PHF19: variants seen among roughly 807,000 people sequenced by gnomAD.
The protein encoded by PHF19 is PHD finger protein 19, also known as polycomb like 3.
In PHF19, 21 loss-of-function variants were observed where a neutral mutation model predicts 79.8. The ratio of observed to expected loss-of-function variants is 0.26; its 90% CI spans 0.19 to 0.38. The LOEUF (loss-of-function observed/expected upper bound fraction) is 0.38, where lower values mean the gene tolerates loss of function less well. Among genes scored for constraint, PHF19 ranks in the 10% least tolerant of loss-of-function variants. The pLI is 1.00. For synonymous variants in PHF19, 273 were observed against 296.3 expected (o/e 0.92, Z 0.81); for missense variants, 445 against 744.2 (o/e 0.60, Z 4.68).
Position 120,870,643 on chromosome 9 carries a change from G to T in PHF19, c.269-105C>A. On this transcript the variant is annotated intron_variant, in intron 3 of 14. Coordinates refer to ENST00000373896, the MANE Select transcript of PHF19 (RefSeq NM_015651.3). This position sits in a 1 kb window ranked among gnomAD's most constrained non-coding sequence, Gnocchi z 4.4. ...TAATGTCTGCTAGGCCTAGCGCTGGGCCCCACATGCCACCTCACTGAATCT... is the reference window on the plus strand; with the variant it reads ...TAATGTCTGCTAGGCCTAGCGCTGGTCCCCACATGCCACCTCACTGAATCT... The T allele has an allele frequency of 4.4e-6, 3 of 687,314 alleles. No individual in the cohort carries two copies. The highest frequency in any genetic ancestry group is 7.9e-6 in the Non-Finnish European group (3 of 378,668). The allele number at this position is 687,314 out of a possible 1,614,324, so 42.6% of individuals were successfully genotyped here.
At position 120,857,738 on chromosome 9, in the gene PHF19, G is replaced by T. The variant is rs1016229125; in HGVS notation, c.*206C>A. On this transcript the variant is annotated 3_prime_UTR_variant, in exon 15 of 15. Coordinates refer to ENST00000373896, the MANE Select transcript of PHF19 (RefSeq NM_015651.3). ...GTAGAGACACAGGCACAGGGGTAAC[G>T]AGCCTGAGGAGGCCCTGGAACAGAG... 27 of 514,478 alleles carry T rather than the reference G, an allele frequency of 5.2e-5. No homozygotes were observed. The highest frequency in any genetic ancestry group is 3.5e-4 in the Admixed American group (10 of 28,900). The allele number at this position is 514,478 out of a possible 1,614,324, so 31.9% of individuals were successfully genotyped here.
upstream of PHF19, among the ~76,000 whole-genome samples, chr9:120,881,735 A>G (rs2046188513): frequency 6.6e-6 from 1 of 152,098 alleles, no homozygotes. Flanking sequence ...GTGTCCCCTC[A>G]TGCATGGGAC....
chr9:120,861,011 T>C, intron 13 of PHF19, 78 bp downstream of exon 13: 1 of 863,358 alleles, frequency 1.2e-6, no homozygotes, highest in Non-Finnish European at 2.0e-6. Context: ...GGGATCCTTT[T>C]AACTGAGGGC....
At position 120,869,107 on chromosome 9, in the gene PHF19, C is replaced by G. The variant is rs2045808982; in HGVS notation, c.614+75G>C. On this transcript the variant is annotated intron_variant, in intron 6 of 14. Transcript: ENST00000373896. This position sits in a 1 kb window ranked among gnomAD's most constrained non-coding sequence, Gnocchi z 5.8. The stretch of plus-strand genomic sequence containing the variant: ...CCTTGGCTGACACGCCAGGCTCGCT[C>G]CCTATGGGCGGTCCCTGCTGGCGAT... 6.8e-7 allele frequency: 1 copy of G among 1,472,774 alleles called. No homozygotes were observed. Among genetic ancestry groups the G allele is most frequent in the African/African-American group, 1.4e-5 (1 of 71,734 alleles). 91.2% of individuals were successfully genotyped at this position (1,472,774 alleles called of 1,614,324 possible). A position where few individuals can be genotyped will look rare whatever the true frequency, so the allele number is the denominator to read the frequency against.
chr9:120,873,636 A>C (rs1300464139), intron 3 of PHF19, among the ~76,000 whole-genome samples: 1 of 152,212 alleles, frequency 6.6e-6, no homozygotes, highest in East Asian at 1.9e-4. Flanking sequence ...TCTAGCCCAG[A>C]CTGACGCAGA....
intron 10 of PHF19, among the ~76,000 whole-genome samples, chr9:120,863,385 A>G (rs1382622873): frequency 1.3e-5 from 2 of 152,054 alleles, no homozygotes; most frequent in Non-Finnish European, 2.9e-5. Context: ...CCATGACCTC[A>G]GCACCCAGAC....
At position 120,869,609 on chromosome 9, in the gene PHF19, A is replaced by G. The variant is rs1285182842; in HGVS notation, c.465+236T>C. 5 of 1,499,440 alleles carry G rather than the reference A, an allele frequency of 3.3e-6. No homozygotes were observed. Among genetic ancestry groups the G allele is most frequent in the East Asian group, 5.0e-5 (2 of 40,294 alleles). The allele number at this position is 1,499,440 out of a possible 1,614,324, so 92.9% of individuals were successfully genotyped here. ...GGATTTTCTTTTTTAATAGTAAAGC[A>G]TCATTTATTGGTCCCGTTATTCCCG... On this transcript the variant is annotated intron_variant, in intron 5 of 14. Coordinates refer to ENST00000373896, the MANE Select transcript of PHF19 (RefSeq NM_015651.3). This position sits in a 1 kb window ranked among gnomAD's most constrained non-coding sequence, Gnocchi z 5.8.
chr9:120,877,513 G>A (rs1282521788), upstream of PHF19, among the ~76,000 whole-genome samples: 2 of 151,064 alleles, frequency 1.3e-5, no homozygotes, highest in Non-Finnish European at 2.9e-5. Flanking sequence ...CCGAGGAGCG[G>A]CCACACCGCG....
chr9:120,895,095 A>G (rs912968690), upstream of PHF19, among the ~76,000 whole-genome samples: 5 of 152,162 alleles, frequency 3.3e-5, no homozygotes, highest in Non-Finnish European at 7.4e-5. Context: ...AGAGCTGGTG[A>G]TGTGACTTGC....
chr9:120,867,581 G>A (rs1030860540), intron 6 of PHF19, among the ~76,000 whole-genome samples: 1 of 152,220 alleles, frequency 6.6e-6, no homozygotes, highest in East Asian at 1.9e-4. Context: ...TCAATCTTTG[G>A]GGAAGCCTCT....
At chr9:120,901,845 A>T in the PHF19 span, among the ~76,000 whole-genome samples, 1 of 151,936 alleles carries the variant, frequency 6.6e-6, no homozygotes, top group Non-Finnish European at 1.5e-5. Flanking sequence ...CGTTGGGGGC[A>T]AAAGGTGTGA....
Position 120,857,888 on chromosome 9 carries a change from T to C in PHF19, c.*56A>G, listed in dbSNP as rs766476744. 1.8e-4 allele frequency: 193 copies of C among 1,055,356 alleles called. 1 individual carries two copies. The highest frequency in any genetic ancestry group is 9.3e-4 in the East Asian group (36 of 38,764). 65.4% of individuals were successfully genotyped at this position (1,055,356 alleles called of 1,614,324 possible). A position where few individuals can be genotyped will look rare whatever the true frequency, so the allele number is the denominator to read the frequency against. ...AGCCTGGAGAAAGCTGGGGAGCCTA[T>C]GGCTTCTGCTGCTCCTCCTTTGGTT... is the stretch of plus-strand genomic sequence containing the variant. On this transcript the variant is annotated 3_prime_UTR_variant, in exon 15 of 15. Coordinates refer to ENST00000373896, the MANE Select transcript of PHF19 (RefSeq NM_015651.3).
At chr9:120,881,884 C>A (rs1401074748), upstream of PHF19, among the ~76,000 whole-genome samples, 1 of 152,184 alleles carries the variant, frequency 6.6e-6, no homozygotes, top group African/African-American at 2.4e-5. Flanking sequence ...GCCTCAGCCT[C>A]CTGGGTAGCC....
At chr9:120,859,567 GC>G (rs1420652505) in intron 14 of PHF19, among the ~76,000 whole-genome samples, 2 of 152,176 alleles carry the variant, frequency 1.3e-5, no homozygotes, top group African/African-American at 2.4e-5. Context: ...CTGGAGATAG[GC>G]CCCCAGGGAT....
the PHF19 span, chr9:120,902,534 G>C: frequency 6.6e-6 from 1 of 151,250 alleles, no homozygotes; most frequent in East Asian, 1.9e-4. Flanking sequence ...GGTGGGCACT[G>C]CTGCATCTGA....
At chr9:120,893,449 A>C (rs2046366992) in intron 1 of PHF19, among the ~76,000 whole-genome samples, 1 of 152,138 alleles carries the variant, frequency 6.6e-6, no homozygotes, top group Non-Finnish European at 1.5e-5. Context: ...CAGCATGCTT[A>C]TGTGCTAAAG....
At chr9:120,858,811 T>TCACACACACACACACACA (rs56042039) in intron 14 of PHF19, among the ~76,000 whole-genome samples, 11 of 122,798 alleles carry the variant, frequency 9.0e-5, no homozygotes, top group Non-Finnish European at 1.0e-4. Context: ...CTGACAGACA[T>TCACACACACACACACACA]CACACACACA....
At chr9:120,896,757 G>A (rs923363697), upstream of PHF19, among the ~76,000 whole-genome samples, 1 of 152,060 alleles carries the variant, frequency 6.6e-6, no homozygotes, top group Non-Finnish European at 1.5e-5. Context: ...CCGGCCGTTT[G>A]TATGGTTCTT....
Position 120,862,178 on chromosome 9 carries a change from AG to A in PHF19, c.1131-174del, listed in dbSNP as rs2045549754. Among the ~76,000 whole-genome samples the A allele has an allele frequency of 6.6e-6, 1 of 152,134 alleles. No individual in the cohort carries two copies. The highest frequency in any genetic ancestry group is 1.5e-5 in the Non-Finnish European group (1 of 67,998). On this transcript the variant is annotated intron_variant, in intron 11 of 14. Coordinates refer to ENST00000373896, the MANE Select transcript of PHF19 (RefSeq NM_015651.3). The surrounding 1 kb of genome is among the most constrained non-coding windows in gnomAD (Gnocchi z 4.6). ...AGGAGGGAGAGTCCTCAGGAGCAGTAGGGGTGGGAAGGTGTGGAGAAGGTAT... is the reference window on the plus strand; with the variant it reads ...AGGAGGGAGAGTCCTCAGGAGCAGTAGGGTGGGAAGGTGTGGAGAAGGTAT...
Sources: allele counts gnomAD v4.1 joint callset (sites outside exome capture counted in the v4.1 genomes callset), GRCh38; gene constraint gnomAD v4.1.1; non-coding constraint Gnocchi (gnomAD v3.1); transcripts MANE v1.5; gene names NCBI Gene and HGNC (gene_info 2026-07-23, HGNC 2026-07-21).